Variants in RAB11FIP3 observed in about 807,000 individuals in gnomAD.
The protein encoded by RAB11FIP3 is rab11 family-interacting protein 3.
A neutral mutation model predicts 77.8 loss-of-function variants in RAB11FIP3; 17 were observed. The ratio of observed to expected loss-of-function variants is 0.22; its 90% CI spans 0.15 to 0.33. The LOEUF is 0.33. Ranked by LOEUF, RAB11FIP3 falls within the 10% of genes least tolerant of loss-of-function variation. RAB11FIP3 has a pLI of 1.00. For synonymous variants in RAB11FIP3, 437 were observed against 448.2 expected, an observed-to-expected ratio of 0.98 and a Z score of 0.31; for missense variants, 1,005 against 1,011.2, an observed-to-expected ratio of 0.99 and a Z score of 0.08.
At position 520,836 on chromosome 16, in the gene RAB11FIP3, G is replaced by C; in HGVS notation, c.2268G>C (p.Lys756Asn). 6.2e-7 allele frequency: 1 copy of C among 1,613,120 alleles called. No homozygotes were observed. The highest frequency in any genetic ancestry group is 8.5e-7 in the Non-Finnish European group (1 of 1,179,588). ...CCAACCCGTCCATCCTGGAGGTCAA[G>C]TAGAGGCAGGAAGGTCCAGCCTGAG... ...METNPSILEV[K>N] Residue 756 changes from lysine to asparagine, a missense_variant, in exon 14 of 14, where the codon AAG (lysine) becomes AAC (asparagine). Coordinates refer to ENST00000262305, the MANE Select transcript of RAB11FIP3 (RefSeq NM_014700.4).
At chr16:519,068 C>T (rs1258110256) in intron 10 of RAB11FIP3, 44 bp downstream of exon 10, 1 of 1,589,106 alleles carries the variant, frequency 6.3e-7, no homozygotes, top group Non-Finnish European at 8.6e-7. Context: ...GGGGCCAGCC[C>T]ATGCCCTGCC....
At chr16:444,667 G>A (rs1381824105) in intron 1 of RAB11FIP3, among the ~76,000 whole-genome samples, 1 of 152,026 alleles carries the variant, frequency 6.6e-6, no homozygotes, top group African/African-American at 2.4e-5. Context: ...GGGCAACACA[G>A]CGAGACCCTG....
At chr16:480,054 A>T (rs2056003763) in intron 3 of RAB11FIP3, among the ~76,000 whole-genome samples, 1 of 152,166 alleles carries the variant, frequency 6.6e-6, no homozygotes, top group Non-Finnish European at 1.5e-5. Flanking sequence ...TGGGAGGCCG[A>T]GGCAGGTGGA....
chr16:464,826 A>T (rs2141661533), intron 2 of RAB11FIP3, among the ~76,000 whole-genome samples: 1 of 152,290 alleles, frequency 6.6e-6, no homozygotes, highest in Admixed American at 6.5e-5. Flanking sequence ...TGGAGGCTGC[A>T]GTGAGCTGTG....
intron 5 of RAB11FIP3, among the ~76,000 whole-genome samples, chr16:492,661 G>A (rs1324503370): frequency 6.6e-6 from 1 of 152,164 alleles, no homozygotes; most frequent in Non-Finnish European, 1.5e-5. Context: ...TTGGGGAGGG[G>A]CCATTTGTTC....
At chr16:495,454 C>T (rs201145480) in intron 5 of RAB11FIP3, among the ~76,000 whole-genome samples, 4 of 152,224 alleles carry the variant, frequency 2.6e-5, no homozygotes, top group African/African-American at 4.8e-5. Flanking sequence ...AACAGCTACC[C>T]GAATGGGGTC....
chr16:460,388 A>G (rs1325150436), intron 1 of RAB11FIP3, among the ~76,000 whole-genome samples: 1 of 152,136 alleles, frequency 6.6e-6, no homozygotes, highest in Non-Finnish European at 1.5e-5. Context: ...AACGTGTGCC[A>G]TGGTGATTTG....
chr16:484,665 A>G (rs1489665738), intron 4 of RAB11FIP3, among the ~76,000 whole-genome samples: 1 of 152,026 alleles, frequency 6.6e-6, no homozygotes, highest in Non-Finnish European at 1.5e-5. Flanking sequence ...ATTCAGCCCT[A>G]TTTTTGTGCA....
intron 6 of RAB11FIP3, among the ~76,000 whole-genome samples, chr16:497,970 T>A (rs75702529): frequency 1.3e-5 from 2 of 149,160 alleles, no homozygotes; most frequent in Admixed American, 6.7e-5. Context: ...AAATTAAAAA[T>A]TAAAAAAAAA....
At chr16:455,917 G>C (rs2055495394) in intron 1 of RAB11FIP3, among the ~76,000 whole-genome samples, 1 of 152,132 alleles carries the variant, frequency 6.6e-6, no homozygotes, top group East Asian at 1.9e-4. Context: ...TTTATACTAA[G>C]TGCATCTCAA....
intron 1 of RAB11FIP3, among the ~76,000 whole-genome samples, chr16:459,634 G>T (rs1248924769): frequency 6.6e-6 from 1 of 150,918 alleles, no homozygotes; most frequent in Non-Finnish European, 1.5e-5. Flanking sequence ...ATGGGGTTTT[G>T]CCATGTTGGC....
At chr16:430,892 C>T (rs1312281472) in intron 1 of RAB11FIP3, among the ~76,000 whole-genome samples, 2 of 152,208 alleles carry the variant, frequency 1.3e-5, no homozygotes, top group African/African-American at 2.4e-5. Context: ...AGTGATACTG[C>T]CCAGGCATAT....
chr16:520,879 A>G lies in RAB11FIP3; in HGVS notation c.*40A>G, dbSNP rs756117171. On this transcript the variant is annotated 3_prime_UTR_variant, in exon 14 of 14. Transcript: ENST00000262305. ...AGCCTGAGCTGGATTCGGGACTCCAACACCCTGGAGTGGTTCCGTCAGACC... is the reference window on the plus strand; with the variant it reads ...AGCCTGAGCTGGATTCGGGACTCCAGCACCCTGGAGTGGTTCCGTCAGACC... 24 of 1,518,774 alleles carry G rather than the reference A, an allele frequency of 1.6e-5. No homozygotes were observed. In the South Asian group the frequency reaches 2.1e-4, roughly 13 times the overall value. 94.1% of individuals were successfully genotyped at this position (1,518,774 alleles called of 1,614,324 possible).
At position 482,428 on chromosome 16, in the gene RAB11FIP3, C is replaced by T. The variant is rs776372405; in HGVS notation, c.904-97C>T. The T allele has an allele frequency of 1.3e-5, 15 of 1,151,790 alleles. No homozygotes were observed. The Admixed American group carries it at 2.6e-4, about 20-fold the overall frequency. The allele number at this position is 1,151,790 out of a possible 1,614,324, so 71.3% of individuals were successfully genotyped here. On this transcript the variant is annotated intron_variant, in intron 3 of 13. Coordinates refer to ENST00000262305, the MANE Select transcript of RAB11FIP3 (RefSeq NM_014700.4). ...TTCAGGCGTCAGACCCCTCCCTCCA[C>T]ACTGCCCTCTCCAGGGCCTTGCAGC...
chr16:443,768 G>C (rs887273675), intron 1 of RAB11FIP3, among the ~76,000 whole-genome samples: 1 of 152,184 alleles, frequency 6.6e-6, no homozygotes, highest in African/African-American at 2.4e-5. Flanking sequence ...GTTTCACCAT[G>C]TTAGCCAGGA....
At chr16:518,334 G>A (rs1452835001) in intron 9 of RAB11FIP3, among the ~76,000 whole-genome samples, 1 of 152,204 alleles carries the variant, frequency 6.6e-6, no homozygotes, top group East Asian at 1.9e-4. Flanking sequence ...TCCCGCATTG[G>A]CCTCCCAAAG....
chr16:425,821 G>T lies in RAB11FIP3; in HGVS notation c.-186G>T. ...CCTGCGCCCGCCGCGCCGCCGGGCC[G>T]AGGGCAGCTGAGGCGCGGTGCGAAG... On this transcript the variant is annotated 5_prime_UTR_variant, in exon 1 of 14. An upstream open reading frame in the 5' UTR gains an earlier in-frame stop. Coordinates refer to ENST00000262305, the MANE Select transcript of RAB11FIP3 (RefSeq NM_014700.4). 1 of 312,606 alleles carries T rather than the reference G, an allele frequency of 3.2e-6. No individual in the cohort carries two copies. Among genetic ancestry groups the T allele is most frequent in the Non-Finnish European group, 5.8e-6 (1 of 171,716 alleles). 19.4% of individuals were successfully genotyped at this position (312,606 alleles called of 1,614,324 possible). A position where few individuals can be genotyped will look rare whatever the true frequency, so the allele number is the denominator to read the frequency against.
intron 5 of RAB11FIP3, 140 bp from the exon 6 acceptor site, chr16:496,684 C>G (rs951046354): frequency 1.3e-6 from 1 of 787,784 alleles, no homozygotes; most frequent in Non-Finnish European, 2.1e-6. Flanking sequence ...TGTGCATGGA[C>G]TTGCCTGGGG....
chr16:430,019 A>G (rs1218876764), intron 1 of RAB11FIP3, among the ~76,000 whole-genome samples: 3 of 152,032 alleles, frequency 2.0e-5, no homozygotes, highest in Non-Finnish European at 4.4e-5. Context: ...GATCAGGTGT[A>G]GTGTAATATA....
Sources: gnomAD v4.1 joint callset for allele counts (sites outside exome capture counted in the v4.1 genomes callset) on GRCh38, gnomAD v4.1.1 for gene constraint, MANE v1.5 for transcripts, NCBI Gene and HGNC (gene_info 2026-07-23, HGNC 2026-07-21) for gene names.